The following CCDC88C variants were observed in gnomAD, a reference collection of about 807,000 sequenced individuals.
CCDC88C encodes the protein protein Daple.
Under a neutral mutation model 198.8 loss-of-function variants are expected in CCDC88C, and 131 were observed. The observed-to-expected ratio is 0.66, with a 90% CI of 0.57 to 0.76. The LOEUF is 0.76. Among genes scored for constraint, CCDC88C ranks in the 30% least tolerant of loss-of-function variants. CCDC88C has a pLI of 0.00. For synonymous variants in CCDC88C, 1,166 were observed against 1,114.7 expected (o/e 1.05, Z -0.92); for missense variants, 2,553 against 2,631.6 (o/e 0.97, Z 0.65).
At chr14:91,308,539 C>A (rs80191028) in intron 16 of CCDC88C, 47 bp from the exon 17 acceptor site, 29,204 of 1,589,082 alleles carry the variant, frequency 0.018, 337 homozygotes, top group Non-Finnish European at 0.022. Flanking sequence ...ACTTCCTCTC[C>A]GCAAGTTCCC....
intron 3 of CCDC88C, among the ~76,000 whole-genome samples, chr14:91,361,855 T>G (rs892389376): frequency 2.6e-5 from 4 of 152,146 alleles, no homozygotes; most frequent in African/African-American, 9.7e-5. Flanking sequence ...ATCAGTGAAA[T>G]CTGCTTTCCA....
intron 12 of CCDC88C, among the ~76,000 whole-genome samples, chr14:91,323,920 T>C (rs112377160): frequency 1.3e-4 from 20 of 152,244 alleles, no homozygotes; most frequent in Admixed American, 5.2e-4. Context: ...TCGGAACTGA[T>C]AGGAACCCCC....
chr14:91,273,206 C>T lies in CCDC88C; in HGVS notation c.5506G>A (p.Gly1836Arg), dbSNP rs1439884822. 18 of 1,570,266 alleles carry T rather than the reference C, an allele frequency of 1.1e-5. 1 individual carries two copies. The highest frequency in any genetic ancestry group is 5.8e-5 in the South Asian group (5 of 85,710). ...GTGTGGCTGCCTGTCTCTCTGCCCCCTAAGGCCTCAGGAGCCCCCAGCTTC... is the reference window on the plus strand; with the variant it reads ...GTGTGGCTGCCTGTCTCTCTGCCCCTTAAGGCCTCAGGAGCCCCCAGCTTC... ...PQKLGAPEAL[G>R]GRETGSHTLQ... The change falls in exon 30 of 30, where the codon GGG (glycine) becomes AGG (arginine). Residue 1836 changes from glycine (G) to arginine (R), a missense_variant. Physicochemically the swap from Gly to Arg is moderately radical, Grantham distance 125 (BLOSUM62 -2). This residue lies in a region of CCDC88C where 1,293 missense variants were observed against 1,219.6 expected (regional missense o/e 1.06). Coordinates refer to ENST00000389857, the MANE Select transcript of CCDC88C (RefSeq NM_001080414.4). This position sits in a 1 kb window ranked among gnomAD's most constrained non-coding sequence, Gnocchi z 5.6.
At chr14:91,328,327 T>C (rs1256388346) in intron 10 of CCDC88C, among the ~76,000 whole-genome samples, 2 of 152,136 alleles carry the variant, frequency 1.3e-5, no homozygotes, top group Admixed American at 6.5e-5. Flanking sequence ...CCACCACCTC[T>C]GAAATGAGAA....
At position 91,283,443 on chromosome 14, in the gene CCDC88C, G is replaced by C; in HGVS notation, c.4516C>G (p.Leu1506Val). 1 of 1,613,510 alleles carries C rather than the reference G, an allele frequency of 6.2e-7. No homozygotes were observed. Among genetic ancestry groups the C allele is most frequent in the Admixed American group, 1.7e-5 (1 of 59,946 alleles). Residue 1506 changes from leucine to valine, a missense_variant, in exon 26 of 30, where the codon CTG (leucine) becomes GTG (valine). Coordinates refer to ENST00000389857, the MANE Select transcript of CCDC88C (RefSeq NM_001080414.4). Reference protein sequence around the residue: ...SLDRTDASTDLAMRSWPSELG... With the variant: ...SLDRTDASTDVAMRSWPSELG... ...TCCGAGGGCCAGGACCTCATGGCCA[G>C]ATCGGTGGAGGCATCTGTGCGGTCA... is the stretch of plus-strand genomic sequence containing the variant.
At chr14:91,413,398 C>T (rs1886887873) in intron 2 of CCDC88C, among the ~76,000 whole-genome samples, 1 of 152,194 alleles carries the variant, frequency 6.6e-6, no homozygotes, top group Non-Finnish European at 1.5e-5. Flanking sequence ...CATAATAACA[C>T]TAGGAAGTGG....
Position 91,416,850 on chromosome 14 carries a change from G to A in CCDC88C, c.61-12C>T, listed in dbSNP as rs893615587. ...CCAAAAGTTTTCACCTGCGGGGAGG[G>A]GGACGAGGAGAGAAAGACAGGAAGT... On this transcript the variant is annotated splice_polypyrimidine_tract_variant and intron_variant, in intron 1 of 29. Coordinates refer to ENST00000389857, the MANE Select transcript of CCDC88C (RefSeq NM_001080414.4). 3.1e-6 allele frequency: 5 copies of A among 1,595,334 alleles called. No homozygotes were observed. The highest frequency in any genetic ancestry group is 4.3e-6 in the Non-Finnish European group (5 of 1,165,148).
At chr14:91,289,040 C>A (rs1304682916) in intron 25 of CCDC88C, 65 bp downstream of exon 25, 1 of 1,355,486 alleles carries the variant, frequency 7.4e-7, no homozygotes, top group Non-Finnish European at 1.0e-6. Context: ...TGCACAGCCA[C>A]CGGTGCGGGA....
rs547204543 is a variant in CCDC88C, at chr14:91,381,552, G to C, written c.271-21841C>G. Among the ~76,000 whole-genome samples the C allele has an allele frequency of 6.6e-6, 1 of 152,364 alleles. No individual in the cohort carries two copies. Among genetic ancestry groups the C allele is most frequent in the East Asian group, 1.9e-4 (1 of 5,190 alleles). On this transcript the variant is annotated intron_variant, in intron 3 of 29. Coordinates refer to ENST00000389857, the MANE Select transcript of CCDC88C (RefSeq NM_001080414.4). This position sits in a 1 kb window ranked among gnomAD's most constrained non-coding sequence, Gnocchi z 4.2. Reference sequence around the variant, plus strand: ...TCTTCCATTCAAGCCGGGCCTTTTGGCCGGGTGCGGTGGCTCATGCCTGTA... The same window carrying C: ...TCTTCCATTCAAGCCGGGCCTTTTGCCCGGGTGCGGTGGCTCATGCCTGTA...
intron 4 of CCDC88C, among the ~76,000 whole-genome samples, chr14:91,349,196 G>C (rs1030864317): frequency 2.4e-4 from 36 of 152,144 alleles, no homozygotes; most frequent in African/African-American, 8.4e-4. Flanking sequence ...TATGTGCTGG[G>C]AGCCAAACCA....
chr14:91,416,885 C>T, intron 1 of CCDC88C, 47 bp from the exon 2 acceptor site: 3 of 1,383,898 alleles, frequency 2.2e-6, no homozygotes, highest in Non-Finnish European at 3.0e-6. Context: ...TCACCCCGTG[C>T]GCACAAACGG....
chr14:91,278,408 C>T (rs1375007823), intron 28 of CCDC88C, among the ~76,000 whole-genome samples, 197 bp from the exon 29 acceptor site: 1 of 152,212 alleles, frequency 6.6e-6, no homozygotes, highest in Non-Finnish European at 1.5e-5. Context: ...AAACAAAATA[C>T]TTTGAGATAA....
chr14:91,287,189 T>C (rs1016007330), intron 25 of CCDC88C, among the ~76,000 whole-genome samples: 1 of 152,178 alleles, frequency 6.6e-6, no homozygotes, highest in Non-Finnish European at 1.5e-5. Context: ...TATAAAAACC[T>C]GAGGCAACAG....
intron 23 of CCDC88C, among the ~76,000 whole-genome samples, chr14:91,291,721 T>C (rs1890671366): frequency 6.6e-6 from 1 of 152,114 alleles, no homozygotes; most frequent in Admixed American, 6.5e-5. Flanking sequence ...TGGGGCGGAC[T>C]TCCCGAGATA....
Position 91,294,305 on chromosome 14 carries a change from A to T in CCDC88C, c.3980T>A (p.Leu1327His), listed in dbSNP as rs1890902649. Residue 1327 changes from leucine (L) to histidine (H), a missense_variant, in exon 23 of 30, where the codon CTC becomes CAC. Leu to His is a moderately conservative substitution (Grantham distance 99). Coordinates refer to ENST00000389857, the MANE Select transcript of CCDC88C (RefSeq NM_001080414.4). ...LDNHCELLSR[L>H]KGNLEEENHH... is the part of the protein sequence containing the mutation. The stretch of plus-strand genomic sequence containing the variant: ...ATTTTCTTCCTCCAAGTTCCCCTTG[A>T]GACGGGAGAGCAGCTAGAACACAGA... The T allele has an allele frequency of 5.6e-6, 9 of 1,613,940 alleles. No individual in the cohort carries two copies. Among genetic ancestry groups the T allele is most frequent in the Non-Finnish European group, 7.6e-6 (9 of 1,179,876 alleles).
At chr14:91,276,143 G>A (rs1343916165) in intron 29 of CCDC88C, among the ~76,000 whole-genome samples, 2 of 152,140 alleles carry the variant, frequency 1.3e-5, no homozygotes, top group Non-Finnish European at 2.9e-5. Context: ...TTAAACCATG[G>A]TGCCTACCCA....
chr14:91,387,114 C>T (rs965584443), intron 3 of CCDC88C, among the ~76,000 whole-genome samples: 2 of 152,186 alleles, frequency 1.3e-5, no homozygotes, highest in Admixed American at 6.5e-5. Flanking sequence ...CAGCTTTTGG[C>T]GCAACTGTCC....
chr14:91,411,375 T>C (rs565870626), intron 2 of CCDC88C, among the ~76,000 whole-genome samples: 100 of 152,322 alleles, frequency 6.6e-4, no homozygotes, highest in African/African-American at 2.0e-3. Context: ...AAAGTCTATA[T>C]GGTTCCATGA....
rs1219456209 is a variant in CCDC88C, at chr14:91,352,733, AC to A, written c.340+6908del. Among the ~76,000 whole-genome samples, 1 of 152,246 alleles carries A rather than the reference AC, an allele frequency of 6.6e-6. No homozygotes were observed. The highest frequency in any genetic ancestry group is 2.4e-5 in the African/African-American group (1 of 41,462). On this transcript the variant is annotated intron_variant, in intron 4 of 29. Transcript: ENST00000389857. This position sits in a 1 kb window ranked among gnomAD's most constrained non-coding sequence, Gnocchi z 4.2. ...AACAACAGGGGTAGGGGAAAAGAACACAAGAATGGCTCATGAAGCCTGAGTG... is the reference window on the plus strand; with the variant it reads ...AACAACAGGGGTAGGGGAAAAGAACAAAGAATGGCTCATGAAGCCTGAGTG...
Sources: gnomAD v4.1 joint callset for allele counts (sites outside exome capture counted in the v4.1 genomes callset) on GRCh38, gnomAD v4.1.1 for gene constraint, gnomAD v4.1.1 regional missense constraint, Gnocchi (gnomAD v3.1) non-coding constraint, MANE v1.5 for transcripts, NCBI Gene and HGNC (gene_info 2026-07-23, HGNC 2026-07-21) for gene names.